The following LRRC3B variants were observed in gnomAD, a reference collection of about 807,000 sequenced individuals.
The protein encoded by LRRC3B is leucine rich repeat containing 3B.
In LRRC3B, 2 loss-of-function variants were observed where a neutral mutation model predicts 12.8. The ratio of observed to expected loss-of-function variants is 0.16; its 90% CI spans 0.06 to 0.49. The LOEUF (loss-of-function observed/expected upper bound fraction) is 0.49. LRRC3B is among the 20% of genes least tolerant of loss of function. The pLI is 0.96. For missense variants in LRRC3B, 189 were observed against 319.4 expected, an observed-to-expected ratio of 0.59 and a Z score of 3.11; for synonymous variants, 132 against 122.0, an observed-to-expected ratio of 1.08 and a Z score of -0.54.
chr3:26,629,451 C>T (rs1251140112), intron 1 of LRRC3B, among the ~76,000 whole-genome samples: 8 of 152,202 alleles, frequency 5.3e-5, no homozygotes, highest in African/African-American at 1.4e-4. Flanking sequence ...CCTGAGTCTT[C>T]TAACCTGAGC....
intron 1 of LRRC3B, among the ~76,000 whole-genome samples, chr3:26,685,711 G>A (rs1206157978): frequency 6.7e-6 from 1 of 150,338 alleles, no homozygotes. Context: ...TGCAGTTGAT[G>A]GAAATTTCAT....
intron 1 of LRRC3B, among the ~76,000 whole-genome samples, chr3:26,643,562 C>T (rs916831808): frequency 1.3e-5 from 2 of 152,116 alleles, no homozygotes; most frequent in East Asian, 1.9e-4. Flanking sequence ...GCCTCAGTCT[C>T]ATTGTCTGGG....
At chr3:26,632,160 G>T (rs1422614485) in intron 1 of LRRC3B, among the ~76,000 whole-genome samples, 1 of 152,222 alleles carries the variant, frequency 6.6e-6, no homozygotes, top group African/African-American at 2.4e-5. Context: ...GTACAAAGGG[G>T]TGAAACAATT....
At chr3:26,647,747 C>T (rs982007223) in intron 1 of LRRC3B, among the ~76,000 whole-genome samples, 1 of 152,150 alleles carries the variant, frequency 6.6e-6, no homozygotes, top group African/African-American at 2.4e-5. Flanking sequence ...GAAAAAAAGT[C>T]TCCTAGCTTG....
chr3:26,625,778 C>T (rs908734859), intron 1 of LRRC3B, among the ~76,000 whole-genome samples: 10 of 152,276 alleles, frequency 6.6e-5, no homozygotes, highest in Non-Finnish European at 1.2e-4. Context: ...TTGTGGAGTT[C>T]TTACTATGTG....
intron 1 of LRRC3B, among the ~76,000 whole-genome samples, chr3:26,634,868 G>A (rs939337187): frequency 3.3e-5 from 5 of 152,180 alleles, no homozygotes; most frequent in Non-Finnish European, 7.3e-5. Context: ...ATTGGGCCTG[G>A]TTAAAAGCTC....
chr3:26,679,166 G>C (rs715641), intron 1 of LRRC3B, among the ~76,000 whole-genome samples: 16,420 of 152,188 alleles, frequency 0.11, 1,090 homozygotes, highest in South Asian at 0.21. Context: ...CCTCTAGGTT[G>C]GATGATCTGT....
At chr3:26,628,555 A>G (rs1292025393) in intron 1 of LRRC3B, among the ~76,000 whole-genome samples, 2 of 151,834 alleles carry the variant, frequency 1.3e-5, no homozygotes, top group South Asian at 2.1e-4. Flanking sequence ...TTTTGTATTC[A>G]TTTTATTATC....
chr3:26,627,361 CAGAT>C (rs1470652845), intron 1 of LRRC3B, among the ~76,000 whole-genome samples: 1 of 152,142 alleles, frequency 6.6e-6, no homozygotes, highest in East Asian at 1.9e-4. Context: ...GAGTCATAGA[CAGAT>C]AGTGGAAACC....
At chr3:26,665,647 A>G (rs936143703) in intron 1 of LRRC3B, among the ~76,000 whole-genome samples, 1 of 152,208 alleles carries the variant, frequency 6.6e-6, no homozygotes, top group African/African-American at 2.4e-5. Context: ...TAACCAAGAA[A>G]AGACCTGGAA....
At position 26,669,199 on chromosome 3, in the gene LRRC3B, T is replaced by G. The variant is rs545449573; in HGVS notation, c.-160-40314T>G. Among the ~76,000 whole-genome samples, 5 of 152,340 alleles carry G rather than the reference T, an allele frequency of 3.3e-5. No homozygotes were observed. The South Asian group carries it at 6.2e-4, about 19-fold the overall frequency. On this transcript the variant is annotated intron_variant, in intron 1 of 1. Transcript: ENST00000396641. ...CTATTTTGTGGATGTTCCAATGTAT[T>G]CTTGTGTTTGTGAAGGTGAAAGCAA...
chr3:26,689,616 C>T (rs1406458406), intron 1 of LRRC3B, among the ~76,000 whole-genome samples: 2 of 152,216 alleles, frequency 1.3e-5, no homozygotes, highest in African/African-American at 4.8e-5. Context: ...CACCCTCTCT[C>T]CTGCTCTTTC....
chr3:26,696,909 T>C (rs970669879), intron 1 of LRRC3B, among the ~76,000 whole-genome samples: 8 of 152,168 alleles, frequency 5.3e-5, no homozygotes, highest in Non-Finnish European at 8.8e-5. Flanking sequence ...TTTTTGAAAA[T>C]GATAAAATTT....
intron 1 of LRRC3B, among the ~76,000 whole-genome samples, chr3:26,685,509 CTCTCTCTCTCTCTCTATATATATA>C (rs1700060885): frequency 2.0e-5 from 1 of 51,160 alleles, no homozygotes; most frequent in African/African-American, 7.7e-5. Context: ...CTCTCTCTCT[CTCTCTCTCTCTCTCTATATATATA>C]TATATATATA....
At chr3:26,700,687 C>T (rs1244209536) in intron 1 of LRRC3B, among the ~76,000 whole-genome samples, 2 of 152,084 alleles carry the variant, frequency 1.3e-5, no homozygotes, top group Non-Finnish European at 2.9e-5. Flanking sequence ...TCCTTGTTTC[C>T]TATCTTAGTG....
At chr3:26,671,045 T>C (rs1190821266) in intron 1 of LRRC3B, among the ~76,000 whole-genome samples, 1 of 125,224 alleles carries the variant, frequency 8.0e-6, no homozygotes, top group Non-Finnish European at 1.6e-5. Flanking sequence ...AGACGGAGTC[T>C]CGCTCTGTCG....
chr3:26,629,031 C>A (rs900941400), intron 1 of LRRC3B, among the ~76,000 whole-genome samples: 3 of 152,038 alleles, frequency 2.0e-5, no homozygotes, highest in African/African-American at 4.8e-5. Context: ...TTAAAAAATG[C>A]TTTAGGTGCC....
At chr3:26,664,741 C>T (rs1309583586) in intron 1 of LRRC3B, among the ~76,000 whole-genome samples, 1 of 151,944 alleles carries the variant, frequency 6.6e-6, no homozygotes. Context: ...TTAGGTCTCG[C>T]CTCCGATTTG....
chr3:26,684,604 C>G (rs530821595), intron 1 of LRRC3B, among the ~76,000 whole-genome samples: 11 of 152,294 alleles, frequency 7.2e-5, no homozygotes, highest in African/African-American at 2.6e-4. Flanking sequence ...TGCTGCACCA[C>G]CACATGGCAG....
Sources: gnomAD v4.1 joint callset for allele counts (sites outside exome capture counted in the v4.1 genomes callset) on GRCh38, gnomAD v4.1.1 for gene constraint, MANE v1.5 for transcripts, NCBI Gene and HGNC (gene_info 2026-07-23, HGNC 2026-07-21) for gene names.